Variants in NISCH observed in about 807,000 individuals in gnomAD.
NISCH encodes the protein I-1 receptor candidate protein.
Under a neutral mutation model 138.4 loss-of-function variants are expected in NISCH, and 55 were observed. That is an observed-to-expected ratio of 0.40 (90% CI 0.32 to 0.50). The LOEUF is 0.50. Among genes scored for constraint, NISCH ranks in the 20% least tolerant of loss-of-function variants. NISCH has a pLI of 0.71. For missense variants in NISCH, 1,643 were observed against 2,005.5 expected (o/e 0.82, Z 3.45); for synonymous variants, 860 against 861.5 (o/e 1.00, Z 0.03).
chr3:52,472,439 C>G (rs765858940), intron 6 of NISCH, 41 bp downstream of exon 6: 2 of 1,524,558 alleles, frequency 1.3e-6, no homozygotes, highest in South Asian at 2.2e-5. Context: ...GCTCCCAACT[C>G]AGAGGCTAGA....
intron 3 of NISCH, among the ~76,000 whole-genome samples, chr3:52,461,768 C>G (rs1319060043): frequency 1.3e-5 from 2 of 149,656 alleles, no homozygotes; most frequent in African/African-American, 4.9e-5. Context: ...GAGGCTGAGG[C>G]AGGAGAATGG....
At position 52,485,786 on chromosome 3, in the gene NISCH, C is replaced by A. The variant is rs150663893; in HGVS notation, c.1662C>A (p.Ser554=). ...LESIPAGQAA[S]DDLRDVPGAV... ...GTTTCTTTCTCCATCAGGCAGCTTC[C>A]GATGATTTAAGGGACGTGCCAGGAG... Residue 554 remains serine (S), a synonymous_variant, in exon 15 of 21, where the codon TCC becomes TCA. Transcript: ENST00000345716. The A allele has an allele frequency of 6.3e-7, 1 of 1,582,464 alleles. No individual in the cohort carries two copies. Among genetic ancestry groups the A allele is most frequent in the East Asian group, 2.3e-5 (1 of 43,450 alleles).
rs1392975175 is a variant in NISCH, at chr3:52,487,835, G to C, written c.2343G>C (p.Val781=). Residue 781 remains valine, a synonymous_variant, in exon 16 of 21, where the codon GTG becomes GTC. Coordinates refer to ENST00000345716, the MANE Select transcript of NISCH (RefSeq NM_007184.4). This position sits in a 1 kb window ranked among gnomAD's most constrained non-coding sequence, Gnocchi z 9.1. ...TCCTCATGCCGGAGCTGTGTCTGGTGCTCAAGGTACGGCACAGTGAGAACA... is the reference window on the plus strand; with the variant it reads ...TCCTCATGCCGGAGCTGTGTCTGGTCCTCAAGGTACGGCACAGTGAGAACA... The part of the protein sequence containing the change: ...FGFLMPELCL[V]LKVRHSENTL... 1 of 1,612,914 alleles carries C rather than the reference G, an allele frequency of 6.2e-7. No homozygotes were observed. Among genetic ancestry groups the C allele is most frequent in the Non-Finnish European group, 8.5e-7 (1 of 1,179,910 alleles).
At chr3:52,456,981 C>T (rs1578269780) in intron 1 of NISCH, among the ~76,000 whole-genome samples, 1 of 152,202 alleles carries the variant, frequency 6.6e-6, no homozygotes. Flanking sequence ...AGGTGGTGAT[C>T]TAGTTTGGAC....
chr3:52,474,575 C>T (rs905844210), intron 7 of NISCH, among the ~76,000 whole-genome samples: 17 of 152,236 alleles, frequency 1.1e-4, no homozygotes, highest in South Asian at 2.1e-4. Context: ...GGATTACAGG[C>T]GTGAGCCACC....
At chr3:52,485,695 G>A (rs542391511) in intron 14 of NISCH, 83 bp from the exon 15 acceptor site, 9 of 1,463,056 alleles carry the variant, frequency 6.2e-6, no homozygotes, top group Non-Finnish European at 7.5e-6. Flanking sequence ...AGGGCAGAAT[G>A]CCCAGCTCAG....
At chr3:52,480,006 GC>G in intron 12 of NISCH, 144 bp downstream of exon 12, 3 of 949,870 alleles carry the variant, frequency 3.2e-6, no homozygotes, top group Non-Finnish European at 4.8e-6. Flanking sequence ...CGGGCAAGTC[GC>G]GGCCTCTCTG....
intron 6 of NISCH, among the ~76,000 whole-genome samples, chr3:52,472,682 G>A (rs982070235): frequency 3.3e-5 from 5 of 152,174 alleles, no homozygotes; most frequent in Admixed American, 6.5e-5. Context: ...ATAGGGGCAG[G>A]GGGCATGTGT....
At chr3:52,480,472 C>T (rs1313917776) in intron 13 of NISCH, 177 bp downstream of exon 13, 1 of 1,532,766 alleles carries the variant, frequency 6.5e-7, no homozygotes, top group Non-Finnish European at 8.7e-7. Context: ...GGGTGCCTGG[C>T]CTGATGCCAG....
intron 5 of NISCH, 123 bp downstream of exon 5, chr3:52,472,100 C>A: frequency 8.7e-7 from 1 of 1,147,536 alleles, no homozygotes; most frequent in Non-Finnish European, 1.2e-6. Flanking sequence ...GGAAGGCCGC[C>A]CGGTTATTCT....
At chr3:52,465,217 C>T (rs1176782091) in intron 3 of NISCH, among the ~76,000 whole-genome samples, 1 of 152,146 alleles carries the variant, frequency 6.6e-6, no homozygotes, top group Non-Finnish European at 1.5e-5. Context: ...GCAGCCTCAA[C>T]CTCCCAGGCT....
At chr3:52,472,439 C>T in intron 6 of NISCH, 41 bp downstream of exon 6, 1 of 1,524,558 alleles carries the variant, frequency 6.6e-7, no homozygotes, top group Admixed American at 1.7e-5. Flanking sequence ...GCTCCCAACT[C>T]AGAGGCTAGA....
At chr3:52,465,592 C>T (rs531506264) in intron 3 of NISCH, among the ~76,000 whole-genome samples, 8 of 152,296 alleles carry the variant, frequency 5.3e-5, no homozygotes, top group Middle Eastern at 3.4e-3. Flanking sequence ...CCCTCCTGGA[C>T]GCGTGGTGAC....
Position 52,492,284 on chromosome 3 carries a change from T to A in NISCH, c.4317T>A (p.Gly1439=), listed in dbSNP as rs752795280. Residue 1439 remains glycine (G), a synonymous_variant, in exon 21 of 21, where the codon GGT becomes GGA. Transcript: ENST00000345716. ...CCCTCGTCTTCGATGACGTGCAAGG[T>A]CATGACCTCATGGGCAGTGTCACCC... ...ALTLVFDDVQ[G]HDLMGSVTLD... is the part of the protein sequence containing the mutation. 1 of 1,613,352 alleles carries A rather than the reference T, an allele frequency of 6.2e-7. No individual in the cohort carries two copies. Among genetic ancestry groups the A allele is most frequent in the South Asian group, 1.1e-5 (1 of 91,090 alleles).
rs903138286 is a variant in NISCH, at chr3:52,487,449, C to T, written c.1957C>T (p.Arg653Cys). The change falls in exon 16 of 21, where the codon CGC (arginine) becomes TGC (cysteine). Residue 653 changes from arginine to cysteine, a missense_variant. By Grantham distance (180) the Arg-to-Cys change is radical (BLOSUM62 -3). Transcript: ENST00000345716. The surrounding 1 kb of genome is among the most constrained non-coding windows in gnomAD (Gnocchi z 9.1). The stretch of plus-strand genomic sequence containing the variant: ...AGAAGAGGAGGACGTGGCTGAGAAC[C>T]GCTACTTTGAAATGGGGCCCCCAGA... ...EEEEEDVAENRYFEMGPPDVE... is the reference protein window; with the variant it reads ...EEEEEDVAENCYFEMGPPDVE... The T allele has an allele frequency of 8.1e-6, 13 of 1,604,906 alleles. No homozygotes were observed. Among genetic ancestry groups the T allele is most frequent in the African/African-American group, 4.0e-5 (3 of 74,628 alleles).
At position 52,478,092 on chromosome 3, in the gene NISCH, T is replaced by A. The variant is rs1222122856; in HGVS notation, c.988-5T>A. On this transcript the variant is annotated splice_region_variant and splice_polypyrimidine_tract_variant and intron_variant, in intron 9 of 20. Transcript: ENST00000345716. ...CACTTTACGCTGTTCTCCACGCCGC[T>A]GCAGCACCTGTATAACCTTGTGCAT... 6.2e-7 allele frequency: 1 copy of A among 1,613,314 alleles called. No individual in the cohort carries two copies. The highest frequency in any genetic ancestry group is 8.5e-7 in the Non-Finnish European group (1 of 1,179,864).
chr3:52,480,013 C>G lies in NISCH; in HGVS notation c.1416+151C>G. 3 of 950,126 alleles carry G rather than the reference C, an allele frequency of 3.2e-6. No individual in the cohort carries two copies. In the Middle Eastern group the frequency reaches 9.8e-4, roughly 311 times the overall value. 58.9% of individuals were successfully genotyped at this position (950,126 alleles called of 1,614,324 possible). A position where few individuals can be genotyped will look rare whatever the true frequency, so the allele number is the denominator to read the frequency against. ...CATGACCTCGGGCAAGTCGCGGCCT[C>G]TCTGTTCTCTGTGGGGTGGGGACAG... is the stretch of plus-strand genomic sequence containing the variant. On this transcript the variant is annotated intron_variant, in intron 12 of 20. Transcript: ENST00000345716.
Position 52,478,107 on chromosome 3 carries a change from A to G in NISCH, c.998A>G (p.Asn333Ser), listed in dbSNP as rs536570397. 1.2e-6 allele frequency: 2 copies of G among 1,613,808 alleles called. No homozygotes were observed. Among genetic ancestry groups the G allele is most frequent in the African/African-American group, 1.3e-5 (1 of 75,000 alleles). Residue 333 changes from asparagine (N) to serine (S), a missense_variant, in exon 10 of 21, where the codon AAC (asparagine) becomes AGC (serine). Coordinates refer to ENST00000345716, the MANE Select transcript of NISCH (RefSeq NM_007184.4). ...LVVDNLQHLY[N>S]LVHLDLSYNK... Reference sequence around the variant, plus strand: ...TCCACGCCGCTGCAGCACCTGTATAACCTTGTGCATCTGGACCTGTCCTAC... The same window carrying G: ...TCCACGCCGCTGCAGCACCTGTATAGCCTTGTGCATCTGGACCTGTCCTAC...
At chr3:52,457,971 C>G in intron 2 of NISCH, 45 bp downstream of exon 2, 1 of 1,454,996 alleles carries the variant, frequency 6.9e-7, no homozygotes, top group Non-Finnish European at 9.6e-7. Context: ...GCTGGGGGAC[C>G]CGTAGGCCAA....
Sources: allele counts gnomAD v4.1 joint callset (sites outside exome capture counted in the v4.1 genomes callset), GRCh38; gene constraint gnomAD v4.1.1; non-coding constraint Gnocchi (gnomAD v3.1); transcripts MANE v1.5; gene names NCBI Gene and HGNC (gene_info 2026-07-23, HGNC 2026-07-21).